HAAO: variants seen among roughly 807,000 people sequenced by gnomAD.
The protein encoded by HAAO is 3-hydroxyanthranilate oxygenase.
In HAAO, 49 loss-of-function variants were observed where a neutral mutation model predicts 46.2. That is an observed-to-expected ratio of 1.06 (90% CI 0.84 to 1.34). HAAO has a LOEUF of 1.34. Among genes scored for constraint, HAAO ranks in the 40% most tolerant of loss-of-function variants. HAAO has a pLI of 0.00. For missense variants in HAAO, 408 were observed against 364.5 expected (o/e 1.12, Z -0.97); for synonymous variants, 157 against 145.2 (o/e 1.08, Z -0.58).
intron 1 of HAAO, 50 bp downstream of exon 1, chr2:42,792,407 G>A (rs762055478): frequency 9.7e-7 from 1 of 1,031,630 alleles, no homozygotes; most frequent in Non-Finnish European, 1.4e-6. Context: ...GCAGATGGAG[G>A]AGGGGGAGGA....
At chr2:42,771,750 TGCCCAAGCCCAGCTCCTGG>T (rs1299629831) in intron 4 of HAAO, among the ~76,000 whole-genome samples, 3 of 152,248 alleles carry the variant, frequency 2.0e-5, no homozygotes, top group Non-Finnish European at 2.9e-5. Flanking sequence ...GAATGCCTAA[TGCCCAAGCCCAGCTCCTGG>T]GCCCAGGCCA....
chr2:42,769,109 C>G (rs555608336), intron 7 of HAAO, among the ~76,000 whole-genome samples: 4 of 152,320 alleles, frequency 2.6e-5, no homozygotes, highest in African/African-American at 9.6e-5. Context: ...CTATAGCTTC[C>G]TATAGCTTTT....
chr2:42,768,120 G>A (rs895345541), intron 7 of HAAO, among the ~76,000 whole-genome samples, 192 bp from the exon 8 acceptor site: 7 of 152,224 alleles, frequency 4.6e-5, no homozygotes, highest in South Asian at 2.1e-4. Flanking sequence ...CCCTGTGCCC[G>A]CCGCTGCAAC....
intron 1 of HAAO, among the ~76,000 whole-genome samples, chr2:42,791,550 G>C (rs984247689): frequency 3.3e-5 from 5 of 152,182 alleles, no homozygotes; most frequent in African/African-American, 1.2e-4. Flanking sequence ...TCCGTGGGTT[G>C]AGTCTGGAGC....
chr2:42,781,076 C>G (rs535644783), intron 4 of HAAO, among the ~76,000 whole-genome samples: 1 of 149,018 alleles, frequency 6.7e-6, no homozygotes, highest in Admixed American at 6.7e-5. Flanking sequence ...GACTCTGTCT[C>G]AAAAAAAAAC....
rs529545121 is a variant in HAAO at position 42,792,440 on chromosome 2, G to A, written c.80+17C>T. ...GGAGGCGAGGGCAGGGGGCGGCCATGGGGGTGCTGGACTCACATGAGCTTG... is the reference window on the plus strand; with the variant it reads ...GGAGGCGAGGGCAGGGGGCGGCCATAGGGGTGCTGGACTCACATGAGCTTG... On this transcript the variant is annotated intron_variant, in intron 1 of 9. Coordinates refer to ENST00000294973, the MANE Select transcript of HAAO (RefSeq NM_012205.3). 4 of 1,515,598 alleles carry A rather than the reference G, an allele frequency of 2.6e-6. No homozygotes were observed. In the East Asian group the frequency reaches 7.6e-5, roughly 29 times the overall value. The allele number at this position is 1,515,598 out of a possible 1,614,324, so 93.9% of individuals were successfully genotyped here.
chr2:42,790,550 T>TCC (rs879728283), intron 1 of HAAO, among the ~76,000 whole-genome samples: 119,035 of 148,638 alleles, frequency 0.8, 48,102 homozygotes, highest in Middle Eastern at 0.93. Flanking sequence ...TTTTTTTTTT[T>TCC]CAGATAGAGT....
chr2:42,783,615 C>T (rs1672171640), intron 3 of HAAO, among the ~76,000 whole-genome samples, 169 bp downstream of exon 3: 1 of 152,106 alleles, frequency 6.6e-6, no homozygotes, highest in Non-Finnish European at 1.5e-5. Context: ...GAGGATGGGG[C>T]AGCCTGGAAG....
chr2:42,769,673 G>A lies in HAAO; in HGVS notation c.630+40C>T, dbSNP rs533247217. The A allele has an allele frequency of 2.6e-6, 4 of 1,564,534 alleles. No homozygotes were observed. The East Asian group carries it at 6.8e-5, about 26-fold the overall frequency. ...AGACTGGTTCCCATTTTCCAGGGCT[G>A]CTGTGGGAGGATGCCCCGGATGCCC... On this transcript the variant is annotated intron_variant, in intron 7 of 9. Coordinates refer to ENST00000294973, the MANE Select transcript of HAAO (RefSeq NM_012205.3).
rs1421534568 is a variant in HAAO at position 42,769,842 on chromosome 2, C to T, written c.501G>A (p.Glu167=). 1.2e-6 allele frequency: 2 copies of T among 1,611,742 alleles called. No homozygotes were observed. Among genetic ancestry groups the T allele is most frequent in the African/African-American group, 1.3e-5 (1 of 74,900 alleles). The change falls in exon 7 of 10, where the codon GAG becomes GAA. Residue 167 remains glutamate (E), a synonymous_variant. Coordinates refer to ENST00000294973, the MANE Select transcript of HAAO (RefSeq NM_012205.3). ...GKPIPDQLLK[E]PPFPLSTRSI... is the part of the protein sequence containing the mutation. ...ATCGTGTGCTCAGAGGGAATGGTGG[C>T]TCCTTGAGCAGCTGGTCTGCACCCA...
chr2:42,790,929 A>C (rs752327144), intron 1 of HAAO, among the ~76,000 whole-genome samples: 7 of 152,198 alleles, frequency 4.6e-5, no homozygotes, highest in Non-Finnish European at 1.0e-4. Flanking sequence ...TCAACCCATC[A>C]GTCAGAATGC....
Position 42,767,156 on chromosome 2 carries a change from A to G in HAAO, c.*281T>C, listed in dbSNP as rs1670723428. The G allele has an allele frequency of 1.8e-6, 1 of 553,596 alleles. No individual in the cohort carries two copies. Among genetic ancestry groups the G allele is most frequent in the Admixed American group, 3.1e-5 (1 of 32,510 alleles). 34.3% of individuals were successfully genotyped at this position (553,596 alleles called of 1,614,324 possible). On this transcript the variant is annotated 3_prime_UTR_variant, in exon 10 of 10. Coordinates refer to ENST00000294973, the MANE Select transcript of HAAO (RefSeq NM_012205.3). The stretch of plus-strand genomic sequence containing the variant: ...GAAGTGCTGCACTGAGTCTGCAGGG[A>G]CAGAGGAATGGGCAGGAGCGGGGCC...
At chr2:42,776,533 C>T (rs551545544) in intron 4 of HAAO, among the ~76,000 whole-genome samples, 7 of 151,818 alleles carry the variant, frequency 4.6e-5, no homozygotes, top group Non-Finnish European at 8.8e-5. Context: ...CCACCATGCC[C>T]AGCCAGCATC....
At position 42,767,357 on chromosome 2, in the gene HAAO, G is replaced by T; in HGVS notation, c.*80C>A. 1 of 934,146 alleles carries T rather than the reference G, an allele frequency of 1.1e-6. No individual in the cohort carries two copies. The highest frequency in any genetic ancestry group is 1.7e-6 in the Non-Finnish European group (1 of 577,424). 57.9% of individuals were successfully genotyped at this position (934,146 alleles called of 1,614,324 possible). On this transcript the variant is annotated 3_prime_UTR_variant, in exon 10 of 10. Transcript: ENST00000294973. ...CGGCAGTACACAGAGAGGTAGTGGGGGCTGGGAGAGTTGTTTGGCAGGGAT... is the reference window on the plus strand; with the variant it reads ...CGGCAGTACACAGAGAGGTAGTGGGTGCTGGGAGAGTTGTTTGGCAGGGAT...
Position 42,792,457 on chromosome 2 carries a change from A to T in HAAO, c.80T>A (p.Met27Lys). The T allele has an allele frequency of 1.3e-6, 2 of 1,580,792 alleles. No individual in the cohort carries two copies. The highest frequency in any genetic ancestry group is 1.7e-6 in the Non-Finnish European group (2 of 1,162,580). Residue 27 changes from methionine to lysine, a missense_variant and splice_region_variant, in exon 1 of 10, where the codon ATG (methionine) becomes AAG (lysine). Physicochemically the swap from Met to Lys is moderately conservative, Grantham distance 95. Coordinates refer to ENST00000294973, the MANE Select transcript of HAAO (RefSeq NM_012205.3). ...GCGGCCATGGGGGTGCTGGACTCAC[A>T]TGAGCTTGTTGCAGACCGGGGGCTG... ...SFQPPVCNKL[M>K]HQEQLKVMFI...
At position 42,767,401 on chromosome 2, in the gene HAAO, G is replaced by T. The variant is rs757808783; in HGVS notation, c.*36C>A. ...CAGGGATGGCACTCGAGGGTGCTTG[G>T]CACACCTGTGGCTGCTTCAGGCCAT... On this transcript the variant is annotated 3_prime_UTR_variant, in exon 10 of 10. Transcript: ENST00000294973. 5 of 1,493,702 alleles carry T rather than the reference G, an allele frequency of 3.3e-6. No homozygotes were observed. The highest frequency in any genetic ancestry group is 2.8e-6 in the Non-Finnish European group (3 of 1,074,888). 92.5% of individuals were successfully genotyped at this position (1,493,702 alleles called of 1,614,324 possible). A position where few individuals can be genotyped will look rare whatever the true frequency, so the allele number is the denominator to read the frequency against.
rs768673234 is a variant in HAAO at position 42,769,792 on chromosome 2, T to C, written c.551A>G (p.Asp184Gly). 1.9e-6 allele frequency: 3 copies of C among 1,613,946 alleles called. No individual in the cohort carries two copies. The South Asian group carries it at 3.3e-5, about 18-fold the overall frequency. Reference protein sequence around the residue: ...TRSIMEPMSLDAWLDSHHREL... With the variant: ...TRSIMEPMSLGAWLDSHHREL... ...CCTGTGGTGGCTGTCCAGCCAGGCA[T>C]CCAGGGACATGGGCTCCATGATGGA... Residue 184 changes from aspartate to glycine, a missense_variant, in exon 7 of 10, where the codon GAT (aspartate) becomes GGT (glycine). Asp to Gly is a moderately conservative substitution (Grantham distance 94, BLOSUM62 -1). Transcript: ENST00000294973.
At chr2:42,776,111 A>C (rs11896287) in intron 4 of HAAO, among the ~76,000 whole-genome samples, 3 of 151,596 alleles carry the variant, frequency 2.0e-5, no homozygotes, top group Non-Finnish European at 4.4e-5. Context: ...TTCGGTGTGG[A>C]CTTTGCCCAG....
rs562290940 is a variant in HAAO at position 42,768,740 on chromosome 2, C to A, written c.631-812G>T. The stretch of plus-strand genomic sequence containing the variant: ...AGAAACACCACTCTGGCCTGTCACT[C>A]CCCTGCTTCAATACTTTGGTGGAGG... On this transcript the variant is annotated intron_variant, in intron 7 of 9. Transcript: ENST00000294973. Among the ~76,000 whole-genome samples, 10 of 152,320 alleles carry A rather than the reference C, an allele frequency of 6.6e-5. No individual in the cohort carries two copies. The South Asian group carries it at 2.1e-3, about 32-fold the overall frequency.
Sources: gnomAD v4.1 joint callset for allele counts (sites outside exome capture counted in the v4.1 genomes callset) on GRCh38, gnomAD v4.1.1 for gene constraint, MANE v1.5 for transcripts, NCBI Gene and HGNC (gene_info 2026-07-23, HGNC 2026-07-21) for gene names.